Variants in GARNL3 observed in about 807,000 individuals in gnomAD.
GARNL3 encodes the protein GTPase activating Rap/RanGAP domain like 3.
In GARNL3, 63 loss-of-function variants were observed where a neutral mutation model predicts 125.0. The observed-to-expected ratio is 0.50, with a 90% CI of 0.41 to 0.62. GARNL3 has a LOEUF of 0.62. GARNL3 is among the 20% of genes least tolerant of loss of function. The pLI, the probability that GARNL3 is intolerant of heterozygous loss-of-function variation, is 0.00. For missense variants in GARNL3, 994 were observed against 1,244.0 expected (o/e 0.80, Z 3.02); for synonymous variants, 439 against 457.5 (o/e 0.96, Z 0.52).
intron 4 of GARNL3, 59 bp downstream of exon 4, chr9:127,313,618 C>A: frequency 1.8e-6 from 2 of 1,104,926 alleles, no homozygotes; most frequent in Non-Finnish European, 2.8e-6. Context: ...GAGATAACCC[C>A]TGTGCTGTGG....
chr9:127,333,622 C>T (rs564521763), intron 9 of GARNL3, among the ~76,000 whole-genome samples: 2 of 151,706 alleles, frequency 1.3e-5, no homozygotes, highest in Non-Finnish European at 2.9e-5. Flanking sequence ...GAGGGAGGGG[C>T]GAGTCGGAAT....
intron 2 of GARNL3, among the ~76,000 whole-genome samples, chr9:127,302,809 T>C (rs1423979004): frequency 6.6e-6 from 1 of 152,210 alleles, no homozygotes; most frequent in Admixed American, 6.6e-5. Context: ...AAAAGAAGAA[T>C]CTATGTAGTT....
intron 13 of GARNL3, among the ~76,000 whole-genome samples, chr9:127,340,346 C>T (rs779323905): frequency 5.3e-5 from 8 of 152,106 alleles, no homozygotes; most frequent in East Asian, 3.9e-4. Context: ...AAGAGCTCTG[C>T]GCATCCCTCC....
intron 16 of GARNL3, among the ~76,000 whole-genome samples, chr9:127,345,962 AG>A (rs1432011068): frequency 4.6e-4 from 70 of 152,330 alleles, no homozygotes; most frequent in African/African-American, 1.5e-3. Context: ...CTGATTGAAC[AG>A]GTCTGGGGTG....
chr9:127,228,064 TTTATA>T (rs1165402410), intron 1 of GARNL3, among the ~76,000 whole-genome samples: 1 of 152,266 alleles, frequency 6.6e-6, no homozygotes, highest in Non-Finnish European at 1.5e-5. Context: ...TATGTGTATA[TTTATA>T]TTAATGTTTT....
At chr9:127,251,082 C>T (rs2063393411) in intron 2 of GARNL3, among the ~76,000 whole-genome samples, 1 of 152,160 alleles carries the variant, frequency 6.6e-6, no homozygotes, top group South Asian at 2.1e-4. Context: ...CAGTACAGCA[C>T]ACCATAAGGG....
chr9:127,274,582 C>A (rs897472025), intron 1 of GARNL3, among the ~76,000 whole-genome samples: 3 of 152,248 alleles, frequency 2.0e-5, no homozygotes, highest in Non-Finnish European at 4.4e-5. Context: ...AGCCTCTCTG[C>A]GCCTCTGTGC....
chr9:127,330,780 C>A (rs1351142427), intron 7 of GARNL3, among the ~76,000 whole-genome samples: 1 of 152,126 alleles, frequency 6.6e-6, no homozygotes, highest in African/African-American at 2.4e-5. Context: ...GCCAGTCATC[C>A]CCGGAACTGT....
intron 21 of GARNL3, among the ~76,000 whole-genome samples, chr9:127,361,137 C>G (rs1437946852): frequency 5.3e-5 from 8 of 152,202 alleles, no homozygotes; most frequent in Admixed American, 5.2e-4. Context: ...GAAGGCAGAG[C>G]CAGCTAGGAG....
intron 1 of GARNL3, among the ~76,000 whole-genome samples, chr9:127,239,285 A>G (rs1315099852): frequency 6.6e-6 from 1 of 152,182 alleles, no homozygotes; most frequent in Admixed American, 6.5e-5. Context: ...TGTCCTCAGA[A>G]GGTCACCCTT....
At chr9:127,353,987 C>A in intron 18 of GARNL3, 43 bp downstream of exon 18, 1 of 1,323,892 alleles carries the variant, frequency 7.6e-7, no homozygotes, top group Non-Finnish European at 1.1e-6. Flanking sequence ...GGAAGGAAAA[C>A]AGTTGCCTTC....
intron 20 of GARNL3, among the ~76,000 whole-genome samples, chr9:127,355,791 T>C (rs1282368566): frequency 6.6e-6 from 1 of 152,118 alleles, no homozygotes; most frequent in Non-Finnish European, 1.5e-5. Flanking sequence ...CATAAAGAAA[T>C]ACTAAAATTA....
chr9:127,291,134 A>T (rs762306035), intron 1 of GARNL3, 34 bp from the exon 2 acceptor site: 2 of 1,600,678 alleles, frequency 1.2e-6, no homozygotes, highest in East Asian at 2.2e-5. Flanking sequence ...AGACATTGTA[A>T]ATGCTTCCTA....
chr9:127,277,487 A>C (rs774096462), intron 1 of GARNL3, among the ~76,000 whole-genome samples: 5 of 151,236 alleles, frequency 3.3e-5, no homozygotes, highest in African/African-American at 9.7e-5. Flanking sequence ...TACTTTCCCT[A>C]ATGTACAGCT....
intron 2 of GARNL3, among the ~76,000 whole-genome samples, chr9:127,309,154 A>G (rs1378512747): frequency 3.3e-5 from 5 of 152,236 alleles, no homozygotes; most frequent in African/African-American, 9.6e-5. Context: ...AAGGCAGGAC[A>G]TAAAAAAGGA....
intron 1 of GARNL3, among the ~76,000 whole-genome samples, chr9:127,226,119 C>T (rs909085980): frequency 6.6e-6 from 1 of 152,202 alleles, no homozygotes; most frequent in East Asian, 1.9e-4. Flanking sequence ...CAGCCGGCCG[C>T]GAAAGAGGTC....
intron 2 of GARNL3, among the ~76,000 whole-genome samples, chr9:127,250,742 T>C (rs926864994): frequency 6.6e-6 from 1 of 152,132 alleles, no homozygotes; most frequent in Non-Finnish European, 1.5e-5. Context: ...ATCTTCATCA[T>C]TCAAGGTGAC....
intron 4 of GARNL3, among the ~76,000 whole-genome samples, chr9:127,316,375 G>A (rs1225456893): frequency 6.6e-6 from 1 of 151,854 alleles, no homozygotes; most frequent in Non-Finnish European, 1.5e-5. Context: ...GACCCTGCCT[G>A]CTACAAAAAA....
In GARNL3 at chr9:127,269,444, T is replaced by C. The variant is rs1237654985; in HGVS notation, c.144+4423T>C. Among the ~76,000 whole-genome samples the C allele has an allele frequency of 2.0e-5, 3 of 152,244 alleles. No homozygotes were observed. The East Asian group carries it at 5.8e-4, about 29-fold the overall frequency. On this transcript the variant is annotated intron_variant, in intron 1 of 27. Coordinates refer to ENST00000373387, the MANE Select transcript of GARNL3 (RefSeq NM_032293.5). ...TGGAGTTTATTAACTAGGAGTGGAATTGCCGGATCATAAGGTGATTCTGTT... is the reference window on the plus strand; with the variant it reads ...TGGAGTTTATTAACTAGGAGTGGAACTGCCGGATCATAAGGTGATTCTGTT...
Sources: gnomAD v4.1 joint callset for allele counts (sites outside exome capture counted in the v4.1 genomes callset) on GRCh38, gnomAD v4.1.1 for gene constraint, MANE v1.5 for transcripts, NCBI Gene and HGNC (gene_info 2026-07-23, HGNC 2026-07-21) for gene names.